Variants in EML4 observed in about 807,000 individuals in gnomAD.
The protein encoded by EML4 is EMAP like 4.
In EML4, 72 loss-of-function variants were observed where a neutral mutation model predicts 129.0. That is an observed-to-expected ratio of 0.56 (90% CI 0.46 to 0.68). The LOEUF (loss-of-function observed/expected upper bound fraction) is 0.68, where lower values mean the gene tolerates loss of function less well. Among genes scored for constraint, EML4 ranks in the 30% least tolerant of loss-of-function variants. EML4 has a pLI of 0.00. For missense variants in EML4, 1,363 were observed against 1,190.6 expected (o/e 1.14, Z -2.13); for synonymous variants, 532 against 405.0 (o/e 1.31, Z -3.77).
intron 1 of EML4, among the ~76,000 whole-genome samples, chr2:42,185,885 C>G (rs1275243371): frequency 1.3e-5 from 2 of 152,112 alleles, no homozygotes; most frequent in African/African-American, 4.8e-5. Context: ...GGTCTTCCCT[C>G]TGGTTTTCTT....
At chr2:42,284,875 A>G (rs1303722326) in intron 9 of EML4, among the ~76,000 whole-genome samples, 172 bp downstream of exon 9, 1 of 152,234 alleles carries the variant, frequency 6.6e-6, no homozygotes, top group Non-Finnish European at 1.5e-5. Context: ...TTTAAAAGAC[A>G]GAGTCATACT....
intron 1 of EML4, among the ~76,000 whole-genome samples, chr2:42,242,734 C>T (rs1447911809): frequency 2.7e-5 from 4 of 149,608 alleles, no homozygotes; most frequent in East Asian, 1.9e-4. Context: ...CTTCTCTTCT[C>T]GTCTCGTCTC....
chr2:42,196,960 T>TA (rs1242591186), intron 1 of EML4, among the ~76,000 whole-genome samples: 1 of 152,230 alleles, frequency 6.6e-6, no homozygotes, highest in Non-Finnish European at 1.5e-5. Flanking sequence ...AAATTTCACT[T>TA]ATGTTCAGTG....
In EML4 at chr2:42,251,530, A is replaced by G. The variant is rs142467089; in HGVS notation, c.209-4971A>G. On this transcript the variant is annotated intron_variant, in intron 2 of 22. Coordinates refer to ENST00000318522, the MANE Select transcript of EML4 (RefSeq NM_019063.5). ...TCTTCCTGTGAAATAAGAGGAAGGT[A>G]GAAGTATACAGATAAAATTCCAAAT... 6.4e-4 allele frequency among the ~76,000 whole-genome samples: 97 copies of G among 152,374 alleles called. 2 individuals are homozygous for G. In the East Asian group the frequency reaches 0.015, roughly 24 times the overall value.
At chr2:42,285,228 T>G (rs1019070981) in intron 9 of EML4, among the ~76,000 whole-genome samples, 10 of 152,150 alleles carry the variant, frequency 6.6e-5, no homozygotes, top group Non-Finnish European at 1.3e-4. Context: ...TGATTTTATG[T>G]GTGACTAGAA....
chr2:42,293,310 A>G (rs758544105), intron 11 of EML4, among the ~76,000 whole-genome samples: 53 of 152,108 alleles, frequency 3.5e-4, no homozygotes, highest in Non-Finnish European at 5.1e-4. Context: ...ACTATGTTGC[A>G]CAGTTGATCT....
At chr2:42,190,299 ATAGT>A (rs1422652521) in intron 1 of EML4, among the ~76,000 whole-genome samples, 4 of 152,198 alleles carry the variant, frequency 2.6e-5, no homozygotes, top group East Asian at 1.9e-4. Context: ...ATGTCAGGTC[ATAGT>A]TAGGAGGTTC....
intron 1 of EML4, among the ~76,000 whole-genome samples, chr2:42,177,928 G>A (rs1432785947): frequency 6.6e-6 from 1 of 152,158 alleles, no homozygotes; most frequent in African/African-American, 2.4e-5. Context: ...TTAGATTTCA[G>A]TGTAAAATTT....
At chr2:42,329,650 C>CA (rs1036103375) in intron 22 of EML4, 84 bp from the exon 23 acceptor site, 1 of 1,123,182 alleles carries the variant, frequency 8.9e-7, no homozygotes, top group Non-Finnish European at 1.3e-6. Flanking sequence ...TGAGTTTACC[C>CA]CCCTTACGTA....
At chr2:42,200,826 G>C (rs1672187235) in intron 1 of EML4, among the ~76,000 whole-genome samples, 1 of 152,164 alleles carries the variant, frequency 6.6e-6, no homozygotes, top group South Asian at 2.1e-4. Context: ...GTAAAGCAAA[G>C]GACTGAAATT....
chr2:42,324,144 A>C (rs1669667999), intron 19 of EML4, among the ~76,000 whole-genome samples: 1 of 151,598 alleles, frequency 6.6e-6, no homozygotes, highest in Non-Finnish European at 1.5e-5. Context: ...AAAATAGAAA[A>C]AATTAGCTGG....
At chr2:42,271,384 A>G (rs1447084054) in intron 6 of EML4, among the ~76,000 whole-genome samples, 1 of 151,364 alleles carries the variant, frequency 6.6e-6, no homozygotes, top group Admixed American at 6.6e-5. Flanking sequence ...AAGGAGACCC[A>G]AAAAAGGGGA....
chr2:42,285,141 T>C (rs2103626758), intron 9 of EML4, among the ~76,000 whole-genome samples: 1 of 152,180 alleles, frequency 6.6e-6, no homozygotes, highest in African/African-American at 2.4e-5. Context: ...ACTCCTGGGC[T>C]CAAGTGATCC....
chr2:42,230,985 A>G (rs904952306), intron 1 of EML4, among the ~76,000 whole-genome samples: 1 of 152,194 alleles, frequency 6.6e-6, no homozygotes, highest in African/African-American at 2.4e-5. Flanking sequence ...TTACTCTTAC[A>G]TTTAAATAAA....
intron 1 of EML4, among the ~76,000 whole-genome samples, chr2:42,182,180 T>A (rs1670986504): frequency 6.6e-6 from 1 of 151,368 alleles, no homozygotes; most frequent in African/African-American, 2.4e-5. Context: ...TATTATACTT[T>A]AAGTTTTAGG....
chr2:42,223,208 C>G (rs930849284), intron 1 of EML4, among the ~76,000 whole-genome samples: 1 of 152,126 alleles, frequency 6.6e-6, no homozygotes, highest in Non-Finnish European at 1.5e-5. Context: ...AGTTCCCTCT[C>G]TCCCTGCTAC....
chr2:42,208,130 T>G (rs1284654929), intron 1 of EML4: 4 of 152,204 alleles, frequency 2.6e-5, no homozygotes, highest in African/African-American at 9.7e-5. Flanking sequence ...GTTTCTGCAT[T>G]TATTCGTTTA....
chr2:42,194,652 T>G (rs780030493), intron 1 of EML4, among the ~76,000 whole-genome samples: 2 of 151,830 alleles, frequency 1.3e-5, no homozygotes, highest in African/African-American at 2.4e-5. Context: ...CTGGGACTAC[T>G]GATGTGTACC....
At chr2:42,244,473 T>G (rs967183685) in intron 1 of EML4, among the ~76,000 whole-genome samples, 1 of 152,244 alleles carries the variant, frequency 6.6e-6, no homozygotes, top group Non-Finnish European at 1.5e-5. Flanking sequence ...TTACATAACT[T>G]TGCAAGTCCT....
Sources: allele counts gnomAD v4.1 joint callset (sites outside exome capture counted in the v4.1 genomes callset), GRCh38; gene constraint gnomAD v4.1.1; transcripts MANE v1.5; gene names NCBI Gene and HGNC (gene_info 2026-07-23, HGNC 2026-07-21).